Variants in DDX6 observed in about 807,000 individuals in gnomAD.
DDX6 encodes probable ATP-dependent RNA helicase DDX6.
Under a neutral mutation model 60.6 loss-of-function variants are expected in DDX6, and 7 were observed. That is an observed-to-expected ratio of 0.12 (90% CI 0.07 to 0.22). The LOEUF (loss-of-function observed/expected upper bound fraction) is 0.22. DDX6 is among the 10% of genes least tolerant of loss of function. DDX6 has a pLI of 1.00. For synonymous variants in DDX6, 207 were observed against 201.0 expected (o/e 1.03, Z -0.25); for missense variants, 270 against 589.9 (o/e 0.46, Z 5.62).
At chr11:118,758,719 T>C (rs982407164) in intron 9 of DDX6, 55 bp downstream of exon 9, 3 of 1,587,926 alleles carry the variant, frequency 1.9e-6, no homozygotes, top group Non-Finnish European at 2.6e-6. Flanking sequence ...GATGAAATCA[T>C]CTGTTTTACT....
At chr11:118,753,069 C>T (rs1860833404) in intron 13 of DDX6, among the ~76,000 whole-genome samples, 1 of 152,196 alleles carries the variant, frequency 6.6e-6, no homozygotes, top group African/African-American at 2.4e-5. Flanking sequence ...ACTCTTATCG[C>T]CCAGGCTCGA....
intron 9 of DDX6, among the ~76,000 whole-genome samples, chr11:118,758,118 T>C (rs1193152030): frequency 2.6e-5 from 4 of 152,176 alleles, no homozygotes; most frequent in African/African-American, 9.7e-5. Context: ...CTTAAACTCT[T>C]TGCCACACTG....
chr11:118,780,602 C>A (rs936022595), intron 3 of DDX6, among the ~76,000 whole-genome samples: 6 of 152,210 alleles, frequency 3.9e-5, no homozygotes, highest in Admixed American at 2.0e-4. Context: ...CAGGCAAGAG[C>A]CACTGTGCCC....
rs556336282 is a variant in DDX6 at position 118,780,626 on chromosome 11, A to C, written c.264+495T>G. Among the ~76,000 whole-genome samples, 14 of 152,294 alleles carry C rather than the reference A, an allele frequency of 9.2e-5. No individual in the cohort carries two copies. The South Asian group carries it at 2.7e-3, about 29-fold the overall frequency. On this transcript the variant is annotated intron_variant, in intron 3 of 13. Coordinates refer to ENST00000534980, the MANE Select transcript of DDX6 (RefSeq NM_004397.6). ...GCCACTGTGCCCGGCCCTTGGTCAC[A>C]GTCTCCTAAGGACTGGTGGAATAGT...
intron 4 of DDX6, among the ~76,000 whole-genome samples, chr11:118,772,971 A>C (rs1402501043): frequency 6.6e-6 from 1 of 152,196 alleles, no homozygotes; most frequent in African/African-American, 2.4e-5. Flanking sequence ...TAGTGCATCC[A>C]TTACAGCTTC....
At chr11:118,776,862 C>T (rs1258527277) in intron 4 of DDX6, among the ~76,000 whole-genome samples, 3 of 151,296 alleles carry the variant, frequency 2.0e-5, no homozygotes, top group Non-Finnish European at 4.4e-5. Context: ...AAAAAAAAGA[C>T]TTCAGTGTAG....
rs782538695 is a variant in DDX6, at chr11:118,765,409, T to C, written c.500-54A>G. ...AAATATGGGGTGAGGTGGGAGAACA[T>C]GCTATACATCATTATTTACAAAATT... is the stretch of plus-strand genomic sequence containing the variant. On this transcript the variant is annotated intron_variant, in intron 5 of 13. Coordinates refer to ENST00000534980, the MANE Select transcript of DDX6 (RefSeq NM_004397.6). The C allele has an allele frequency of 4.1e-5, 64 of 1,568,548 alleles. 1 individual carries two copies. Among genetic ancestry groups the C allele is most frequent in the Non-Finnish European group, 5.0e-5 (57 of 1,140,374 alleles).
intron 2 of DDX6, among the ~76,000 whole-genome samples, chr11:118,781,488 G>A (rs1861898333): frequency 6.6e-6 from 1 of 152,114 alleles, no homozygotes; most frequent in African/African-American, 2.4e-5. Flanking sequence ...ATTTAAATGA[G>A]TTTAAATTAG....
At chr11:118,785,990 C>G (rs1038765952) in intron 2 of DDX6, 62 bp downstream of exon 2, 1 of 1,520,418 alleles carries the variant, frequency 6.6e-7, no homozygotes, top group African/African-American at 1.4e-5. Flanking sequence ...ATAGTCAACA[C>G]CAAAGTAACA....
chr11:118,766,082 AAAG>A (rs1191383838), intron 5 of DDX6, among the ~76,000 whole-genome samples: 2 of 152,140 alleles, frequency 1.3e-5, no homozygotes, highest in Non-Finnish European at 2.9e-5. Context: ...AAATAAAAAA[AAAG>A]AAAAGAAACA....
intron 13 of DDX6, among the ~76,000 whole-genome samples, chr11:118,753,511 T>TAA (rs1555157970): frequency 3.3e-5 from 5 of 151,430 alleles, no homozygotes; most frequent in Non-Finnish European, 5.9e-5. Context: ...GGCTAATTTT[T>TAA]GTATTTTTAG....
intron 1 of DDX6, chr11:118,790,800 C>CA (rs1565584421): frequency 6.6e-6 from 1 of 151,714 alleles, no homozygotes; most frequent in African/African-American, 2.4e-5. Flanking sequence ...AGAGCCGGCC[C>CA]GGGGGGCTCC....
chr11:118,779,497 C>T, intron 4 of DDX6, 135 bp downstream of exon 4: 1 of 566,172 alleles, frequency 1.8e-6, no homozygotes, highest in Middle Eastern at 4.7e-4. Context: ...CTAATTTACC[C>T]TTAAAAATTT....
intron 5 of DDX6, among the ~76,000 whole-genome samples, chr11:118,766,917 GCT>G (rs1565568401): frequency 6.8e-6 from 1 of 147,576 alleles, no homozygotes; most frequent in Non-Finnish European, 1.5e-5. Context: ...GACAGATCTC[GCT>G]CTGTTACCCA....
rs187477392 is a variant in DDX6 at position 118,758,906 on chromosome 11, G to C, written c.865-4C>G. 6.6e-5 allele frequency: 107 copies of C among 1,612,748 alleles called. No homozygotes were observed. The highest frequency in any genetic ancestry group is 5.4e-4 in the South Asian group (49 of 90,876). The stretch of plus-strand genomic sequence containing the variant: ...AGGGTTTCTGCAAATGGGAATTCTG[G>C]GGGGGGAGCGGGAAAAAGATGAGTC... On this transcript the variant is annotated splice_region_variant and splice_polypyrimidine_tract_variant and intron_variant, in intron 8 of 13. Coordinates refer to ENST00000534980, the MANE Select transcript of DDX6 (RefSeq NM_004397.6).
chr11:118,769,739 C>T (rs1273921893), intron 4 of DDX6, among the ~76,000 whole-genome samples: 1 of 152,098 alleles, frequency 6.6e-6, no homozygotes, highest in Non-Finnish European at 1.5e-5. Context: ...GAGTCTCGCT[C>T]TGTCGCCCAG....
intron 11 of DDX6, 86 bp downstream of exon 11, chr11:118,756,174 C>CAG: frequency 9.9e-7 from 1 of 1,012,090 alleles, no homozygotes; most frequent in Non-Finnish European, 1.5e-6. Flanking sequence ...GACTATGTCA[C>CAG]AGGTTGCACT....
intron 12 of DDX6, 86 bp from the exon 13 acceptor site, chr11:118,754,973 C>A (rs1221292634): frequency 2.6e-6 from 3 of 1,169,528 alleles, no homozygotes; most frequent in Non-Finnish European, 3.6e-6. Context: ...CAAAACCACA[C>A]AGGATTGATA....
rs148126582 is a variant in DDX6 at position 118,766,727 on chromosome 11, G to A, written c.500-1372C>T. On this transcript the variant is annotated intron_variant, in intron 5 of 13. Transcript: ENST00000534980. The stretch of plus-strand genomic sequence containing the variant: ...TCCTGCCTCAGCCTACTGAGTAACC[G>A]CCACCACACCCAGCTAATTTTTTGT... Among the ~76,000 whole-genome samples the A allele has an allele frequency of 1.0e-4, 15 of 149,672 alleles. No individual in the cohort carries two copies. In the South Asian group the frequency reaches 1.5e-3, roughly 15 times the overall value.
Sources: gnomAD v4.1 joint callset for allele counts (sites outside exome capture counted in the v4.1 genomes callset) on GRCh38, gnomAD v4.1.1 for gene constraint, MANE v1.5 for transcripts, NCBI Gene and HGNC (gene_info 2026-07-23, HGNC 2026-07-21) for gene names.